Variants in LATS1 observed in about 807,000 individuals in gnomAD.
The protein encoded by LATS1 is serine/threonine-protein kinase LATS1.
LATS1 carries 25 observed loss-of-function variants against 106.6 expected under a neutral mutation model. The ratio of observed to expected loss-of-function variants is 0.23; its 90% CI spans 0.17 to 0.33. The LOEUF (loss-of-function observed/expected upper bound fraction) is 0.33, where lower values mean the gene tolerates loss of function less well. LATS1 is among the 10% of genes least tolerant of loss of function. The pLI is 1.00. For synonymous variants in LATS1, 465 were observed against 455.6 expected, an observed-to-expected ratio of 1.02 and a Z score of -0.26; for missense variants, 1,040 against 1,382.6, an observed-to-expected ratio of 0.75 and a Z score of 3.93.
intron 1 of LATS1, among the ~76,000 whole-genome samples, chr6:149,705,584 C>CAGAG (rs140872506): frequency 1.4e-5 from 2 of 148,050 alleles, no homozygotes; most frequent in African/African-American, 5.0e-5. Flanking sequence ...ATCATTCTGA[C>CAGAG]AGAGAGAGAG....
In LATS1 at chr6:149,680,199, G is replaced by A; in HGVS notation, c.2269C>T (p.Leu757=). Residue 757 remains leucine (L), a synonymous_variant, in exon 5 of 8, where the codon CTG becomes TTG. Coordinates refer to ENST00000543571, the MANE Select transcript of LATS1 (RefSeq NM_004690.4). ...VAHVKAERDI[L]AEADNEWVVR... is the part of the protein sequence containing the mutation. The stretch of plus-strand genomic sequence containing the variant: ...ACCCATTCATTGTCAGCTTCAGCCA[G>A]GATATCTCTCTCAGCCTTAACATGA... The A allele has an allele frequency of 6.2e-7, 1 of 1,614,094 alleles. No homozygotes were observed. Among genetic ancestry groups the A allele is most frequent in the Non-Finnish European group, 8.5e-7 (1 of 1,179,982 alleles).
chr6:149,661,954 A>G lies in LATS1; in HGVS notation c.3168T>C (p.Asn1056=), dbSNP rs775353187. ...KLWSDDNEEE[N]VNDTLNGWYK... ...ACCATCCATTGAGAGTGTCATTTAC[A>G]TTTTCTTCCTCGTTATCATCACTCC... Residue 1056 remains asparagine (N), a synonymous_variant, in exon 8 of 8, where the codon AAT becomes AAC. Coordinates refer to ENST00000543571, the MANE Select transcript of LATS1 (RefSeq NM_004690.4). 3.1e-6 allele frequency: 5 copies of G among 1,613,918 alleles called. No individual in the cohort carries two copies. The African/African-American group carries it at 5.3e-5, about 17-fold the overall frequency.
At chr6:149,713,641 GTT>G (rs1784230164) in intron 1 of LATS1, among the ~76,000 whole-genome samples, 5 of 151,826 alleles carry the variant, frequency 3.3e-5, no homozygotes, top group Admixed American at 3.3e-4. Flanking sequence ...TGCTCAAAAT[GTT>G]TTTTCTTTTT....
chr6:149,679,781 C>T (rs1781936304), intron 5 of LATS1, 94 bp downstream of exon 5: 1 of 925,864 alleles, frequency 1.1e-6, no homozygotes, highest in East Asian at 2.6e-5. Context: ...CATCTTCTGG[C>T]TCTCATCCAG....
At chr6:149,681,252 A>G (rs1216435118) in intron 4 of LATS1, among the ~76,000 whole-genome samples, 1 of 152,232 alleles carries the variant, frequency 6.6e-6, no homozygotes, top group Non-Finnish European at 1.5e-5. Context: ...AGAAGGGAGA[A>G]ACATTTTGGC....
intron 1 of LATS1, among the ~76,000 whole-genome samples, chr6:149,712,696 T>C (rs1333707320): frequency 6.6e-6 from 1 of 152,140 alleles, no homozygotes; most frequent in Non-Finnish European, 1.5e-5. Flanking sequence ...TACATTTTAA[T>C]ATTTCTAAAA....
intron 2 of LATS1, among the ~76,000 whole-genome samples, chr6:149,696,558 TTAA>T (rs1783084379): frequency 2.7e-5 from 2 of 74,190 alleles, no homozygotes; most frequent in African/African-American, 1.3e-4. Context: ...AAACTCCGTC[TTAA>T]AAAAAAAAAA....
At chr6:149,677,182 C>T (rs1781767560) in intron 5 of LATS1, among the ~76,000 whole-genome samples, 1 of 152,122 alleles carries the variant, frequency 6.6e-6, no homozygotes, top group African/African-American at 2.4e-5. Context: ...GTGACATACC[C>T]TACACAGAGA....
At chr6:149,672,675 G>A (rs1781502915) in intron 7 of LATS1, among the ~76,000 whole-genome samples, 1 of 151,984 alleles carries the variant, frequency 6.6e-6, no homozygotes, top group Non-Finnish European at 1.5e-5. Flanking sequence ...GCCGGGCGCA[G>A]TGGCTCACGC....
At chr6:149,689,822 GCTAA>G (rs1396973399) in intron 3 of LATS1, among the ~76,000 whole-genome samples, 4 of 152,024 alleles carry the variant, frequency 2.6e-5, no homozygotes, top group African/African-American at 9.7e-5. Flanking sequence ...TCTATCTAAG[GCTAA>G]TAGTCCCTCA....
rs562771577 is a variant in LATS1, at chr6:149,683,461, A to T, written c.1628T>A (p.Met543Lys). ...PEGTASNVTV[M>K]PPVAEAPNYQ... is the part of the protein sequence containing the mutation. The stretch of plus-strand genomic sequence containing the variant: ...GTTTGGAGCTTCAGCAACAGGTGGC[A>T]TCACAGTCACATTTGAAGCGGTTCC... Residue 543 changes from methionine (M) to lysine (K), a missense_variant, in exon 4 of 8, where the codon ATG becomes AAG. Transcript: ENST00000543571. 1 of 1,614,218 alleles carries T rather than the reference A, an allele frequency of 6.2e-7. No individual in the cohort carries two copies. Among genetic ancestry groups the T allele is most frequent in the African/African-American group, 1.3e-5 (1 of 75,054 alleles).
At chr6:149,710,680 T>C (rs559020168) in intron 1 of LATS1, among the ~76,000 whole-genome samples, 2 of 152,194 alleles carry the variant, frequency 1.3e-5, no homozygotes, top group Non-Finnish European at 2.9e-5. Context: ...GATCATGTTT[T>C]ATAGTGGCAA....
At position 149,710,593 on chromosome 6, in the gene LATS1, C is replaced by T. The variant is rs115073941; in HGVS notation, c.-141+7256G>A. On this transcript the variant is annotated intron_variant, in intron 1 of 7. Coordinates refer to ENST00000543571, the MANE Select transcript of LATS1 (RefSeq NM_004690.4). ...CTGCTACAATAAAAACCTATGCAGT[C>T]CTGCCTTAGTGATACTGCCTTAGTG... Among the ~76,000 whole-genome samples, 661 of 152,262 alleles carry T rather than the reference C, an allele frequency of 4.3e-3. 3 individuals carry two copies. Among genetic ancestry groups the T allele is most frequent in the African/African-American group, 0.015 (628 of 41,542 alleles).
rs1438964099 is a variant in LATS1, at chr6:149,658,735, C to T, written c.*2994G>A. ...ATCTCAAAGTGACTTTTTAGTCATA[C>T]ATTCTATAGTTTCTATTACAAATAA... On this transcript the variant is annotated 3_prime_UTR_variant, in exon 8 of 8. Transcript: ENST00000543571. The T allele has an allele frequency of 1.3e-5, 2 of 152,190 alleles. No homozygotes were observed. The highest frequency in any genetic ancestry group is 1.3e-4 in the Admixed American group (2 of 15,264). The allele number at this position is 152,190 out of a possible 1,614,324, so 9.4% of individuals were successfully genotyped here.
At chr6:149,712,410 C>A (rs1784157542) in intron 1 of LATS1, among the ~76,000 whole-genome samples, 1 of 152,164 alleles carries the variant, frequency 6.6e-6, no homozygotes, top group Non-Finnish European at 1.5e-5. Context: ...GTTGGTCAGG[C>A]TGGTCTCGAA....
At chr6:149,667,345 G>A (rs1229431088) in intron 7 of LATS1, among the ~76,000 whole-genome samples, 1 of 142,698 alleles carries the variant, frequency 7.0e-6, no homozygotes, top group Non-Finnish European at 1.5e-5. Context: ...GAGGTGGAAG[G>A]ATCACTTGAA....
At chr6:149,672,036 G>T (rs1781467858) in intron 7 of LATS1, among the ~76,000 whole-genome samples, 1 of 151,454 alleles carries the variant, frequency 6.6e-6, no homozygotes, top group Admixed American at 6.6e-5. Context: ...TTACAGGTGT[G>T]TGCAGCCACA....
At chr6:149,670,179 A>C (rs1041060061) in intron 7 of LATS1, among the ~76,000 whole-genome samples, 1 of 142,614 alleles carries the variant, frequency 7.0e-6, no homozygotes. Context: ...CTCAAAAAAA[A>C]AAAAAAAAAA....
intron 4 of LATS1, among the ~76,000 whole-genome samples, chr6:149,681,077 C>T (rs1475278447): frequency 6.6e-6 from 1 of 152,124 alleles, no homozygotes; most frequent in Admixed American, 6.6e-5. Context: ...ACCACTAACA[C>T]AAATTGCAAA....
Sources: gnomAD v4.1 joint callset for allele counts (sites outside exome capture counted in the v4.1 genomes callset) on GRCh38, gnomAD v4.1.1 for gene constraint, MANE v1.5 for transcripts, NCBI Gene and HGNC (gene_info 2026-07-23, HGNC 2026-07-21) for gene names.